THRB: variants seen among roughly 807,000 people sequenced by gnomAD.
THRB encodes nuclear receptor subfamily 1 group A member 2.
A neutral mutation model predicts 47.8 loss-of-function variants in THRB; 12 were observed. The ratio of observed to expected loss-of-function variants is 0.25; its 90% confidence interval spans 0.16 to 0.41. The LOEUF is 0.41. THRB is among the 10% of genes least tolerant of loss of function. THRB has a pLI of 1.00. For synonymous variants in THRB, 218 were observed against 212.2 expected, an observed-to-expected ratio of 1.03 and a Z score of -0.24; for missense variants, 348 against 589.2, an observed-to-expected ratio of 0.59 and a Z score of 4.24.
At chr3:24,158,854 C>T (rs1476981887) in intron 5 of THRB, among the ~76,000 whole-genome samples, 1 of 151,998 alleles carries the variant, frequency 6.6e-6, no homozygotes, top group Non-Finnish European at 1.5e-5. Context: ...CTCTCTCTCT[C>T]TCTCTCTCTC....
At chr3:24,360,982 C>T (rs73043750) in intron 1 of THRB, among the ~76,000 whole-genome samples, 2,020 of 152,200 alleles carry the variant, frequency 0.013, 21 homozygotes, top group South Asian at 0.034. Flanking sequence ...TTGAAAACCA[C>T]TGGGTTGGCT....
intron 3 of THRB, among the ~76,000 whole-genome samples, chr3:24,295,689 C>T (rs2056384946): frequency 6.6e-6 from 1 of 152,098 alleles, no homozygotes; most frequent in African/African-American, 2.4e-5. Flanking sequence ...TTAGGAAAAC[C>T]CCGTATCACA....
At chr3:24,159,523 A>G (rs1319892236) in intron 5 of THRB, among the ~76,000 whole-genome samples, 2 of 152,230 alleles carry the variant, frequency 1.3e-5, no homozygotes, top group Non-Finnish European at 2.9e-5. Flanking sequence ...ACAGACGTCA[A>G]TATATGAACA....
intron 3 of THRB, among the ~76,000 whole-genome samples, chr3:24,257,838 G>C (rs979537502): frequency 2.6e-5 from 4 of 152,228 alleles, no homozygotes; most frequent in African/African-American, 7.2e-5. Flanking sequence ...GTGAGGCCTT[G>C]AGCATTCTAG....
At chr3:24,444,024 T>A (rs1391814721) in intron 1 of THRB, among the ~76,000 whole-genome samples, 1 of 151,336 alleles carries the variant, frequency 6.6e-6, no homozygotes, top group Non-Finnish European at 1.5e-5. Flanking sequence ...CCAAAACCCA[T>A]TTTTTTAATT....
In THRB at chr3:24,121,297, C is replaced by T. The variant is rs1055563088; in HGVS notation, c.*1587G>A. 6.6e-6 allele frequency: 1 copy of T among 152,624 alleles called. No individual in the cohort carries two copies. The highest frequency in any genetic ancestry group is 2.4e-5 in the African/African-American group (1 of 41,426). 9.5% of individuals were successfully genotyped at this position (152,624 alleles called of 1,614,324 possible). ...CACCCAGACTTCTGGGCCAGTTATGCTCCACCAAACTTACAAAAAGCATCT... is the reference window on the plus strand; with the variant it reads ...CACCCAGACTTCTGGGCCAGTTATGTTCCACCAAACTTACAAAAAGCATCT... On this transcript the variant is annotated 3_prime_UTR_variant, in exon 11 of 11. Transcript: ENST00000646209.
intron 3 of THRB, among the ~76,000 whole-genome samples, chr3:24,242,158 A>G (rs1478006580): frequency 6.6e-6 from 1 of 152,106 alleles, no homozygotes; most frequent in Non-Finnish European, 1.5e-5. Flanking sequence ...TATTTTCCAT[A>G]TTTACAAATC....
intron 1 of THRB, among the ~76,000 whole-genome samples, chr3:24,483,501 A>T (rs920281606): frequency 1.4e-5 from 2 of 146,868 alleles, no homozygotes; most frequent in Admixed American, 1.3e-4. Flanking sequence ...GTTCTCTTTA[A>T]AAAAAAAAAA....
chr3:24,264,149 C>G (rs536657210), intron 3 of THRB, among the ~76,000 whole-genome samples: 1 of 152,254 alleles, frequency 6.6e-6, no homozygotes, highest in South Asian at 2.1e-4. Flanking sequence ...TGTTTTTCCT[C>G]ACTCACTCCA....
At position 24,143,669 on chromosome 3, in the gene THRB, C is replaced by T; in HGVS notation, c.570G>A (p.Lys190=). ...TTTTCTCCCGGTTCTCCTCTATCAG[C>T]TTCCTCTTGGCCAGCCTCTTGCTGT... ...LDDSKRLAKR[K]LIEENREKRR... is the part of the protein sequence containing the mutation. The change falls in exon 8 of 11, where the codon AAG becomes AAA. Residue 190 remains lysine (K), a synonymous_variant. Transcript: ENST00000646209. 1.9e-6 allele frequency: 3 copies of T among 1,614,164 alleles called. No individual in the cohort carries two copies. Among genetic ancestry groups the T allele is most frequent in the Non-Finnish European group, 2.5e-6 (3 of 1,180,024 alleles).
chr3:24,316,825 A>G (rs1378652933), intron 2 of THRB, among the ~76,000 whole-genome samples: 2 of 152,102 alleles, frequency 1.3e-5, no homozygotes, highest in Non-Finnish European at 2.9e-5. Flanking sequence ...TCCACCCCCC[A>G]GAACACTTGA....
At chr3:24,142,736 C>A (rs963175085) in intron 8 of THRB, among the ~76,000 whole-genome samples, 3 of 152,164 alleles carry the variant, frequency 2.0e-5, no homozygotes, top group Non-Finnish European at 2.9e-5. Context: ...ACCAGAAGAC[C>A]GAGTTGGTTT....
At chr3:24,309,891 C>A (rs1052034208) in intron 2 of THRB, among the ~76,000 whole-genome samples, 1 of 152,036 alleles carries the variant, frequency 6.6e-6, no homozygotes, top group South Asian at 2.1e-4. Flanking sequence ...ACTCCATTCC[C>A]CTATTCAGTG....
rs111347448 is a variant in THRB, at chr3:24,197,430, C to T, written c.23-7096G>A. 1.3e-3 allele frequency among the ~76,000 whole-genome samples: 200 copies of T among 152,296 alleles called. 2 individuals carry two copies. Among genetic ancestry groups the T allele is most frequent in the African/African-American group, 4.5e-3 (187 of 41,552 alleles). ...AATTGCTCTACCTCTTTGAATCTCT[C>T]TCCTGAATTATCCATAATATTTGTC... On this transcript the variant is annotated intron_variant, in intron 4 of 10. Transcript: ENST00000646209.
At chr3:24,232,325 A>G (rs1279217435) in intron 3 of THRB, among the ~76,000 whole-genome samples, 1 of 152,256 alleles carries the variant, frequency 6.6e-6, no homozygotes, top group East Asian at 1.9e-4. Context: ...CCTGTCCACA[A>G]GCAGCTTCTA....
intron 4 of THRB, among the ~76,000 whole-genome samples, chr3:24,195,159 A>G (rs781503403): frequency 5.9e-5 from 9 of 152,190 alleles, no homozygotes; most frequent in Non-Finnish European, 1.0e-4. Context: ...TGTACGCCTC[A>G]ACTGATTTTT....
chr3:24,470,203 T>C (rs1355920939), intron 1 of THRB, among the ~76,000 whole-genome samples: 2 of 152,228 alleles, frequency 1.3e-5, no homozygotes, highest in East Asian at 1.9e-4. Flanking sequence ...ATAGGCACAT[T>C]ACGAATACTC....
At chr3:24,177,738 T>C (rs2041352834) in intron 5 of THRB, among the ~76,000 whole-genome samples, 1 of 152,186 alleles carries the variant, frequency 6.6e-6, no homozygotes, top group Admixed American at 6.6e-5. Context: ...GCCCTTGAGA[T>C]CCAAATCCAG....
At chr3:24,233,609 A>AAGAAAGAAAG (rs2048549631) in intron 3 of THRB, among the ~76,000 whole-genome samples, 1 of 148,846 alleles carries the variant, frequency 6.7e-6, no homozygotes, top group Non-Finnish European at 1.5e-5. Context: ...GAAAGAAAGA[A>AAGAAAGAAAG]AGAAAGAGAA....
Sources: gnomAD v4.1 joint callset for allele counts (sites outside exome capture counted in the v4.1 genomes callset) on GRCh38, gnomAD v4.1.1 for gene constraint, MANE v1.5 for transcripts, NCBI Gene and HGNC (gene_info 2026-07-23, HGNC 2026-07-21) for gene names.